FYN: variants seen among roughly 807,000 people sequenced by gnomAD.
FYN encodes the protein tyrosine-protein kinase Fyn.
A neutral mutation model predicts 70.2 loss-of-function variants in FYN; 10 were observed. The observed-to-expected ratio is 0.14, with a 90% CI of 0.09 to 0.24. The LOEUF (loss-of-function observed/expected upper bound fraction) is 0.24. Ranked by LOEUF, FYN falls within the 10% of genes least tolerant of loss-of-function variation. The pLI is 1.00. For missense variants in FYN, 319 were observed against 673.1 expected (o/e 0.47, Z 5.82); for synonymous variants, 236 against 248.6 (o/e 0.95, Z 0.48).
In FYN at chr6:111,711,996, A is replaced by G. The variant is rs556717922; in HGVS notation, c.344+2351T>C. On this transcript the variant is annotated intron_variant, in intron 5 of 13. Coordinates refer to ENST00000354650, the MANE Select transcript of FYN (RefSeq NM_002037.5). The stretch of plus-strand genomic sequence containing the variant: ...AAGAACAGGGTTGGAGGCTCAAAGG[A>G]CTCCGTAAACATCAAAGGCCGTGCA... Among the ~76,000 whole-genome samples the G allele has an allele frequency of 2.6e-5, 4 of 152,266 alleles. No individual in the cohort carries two copies. The South Asian group carries it at 8.3e-4, about 32-fold the overall frequency.
At chr6:111,776,968 C>T (rs911737915) in intron 3 of FYN, among the ~76,000 whole-genome samples, 1 of 152,196 alleles carries the variant, frequency 6.6e-6, no homozygotes, top group African/African-American at 2.4e-5. Flanking sequence ...GATCTCTCTC[C>T]TCCCTAAGCA....
intron 3 of FYN, among the ~76,000 whole-genome samples, chr6:111,773,788 C>A (rs1297579084): frequency 6.6e-6 from 1 of 152,144 alleles, no homozygotes; most frequent in East Asian, 1.9e-4. Flanking sequence ...GCCCTGGGTT[C>A]CTTTTCATTC....
At chr6:111,832,486 T>C (rs1773045561) in intron 2 of FYN, among the ~76,000 whole-genome samples, 1 of 152,190 alleles carries the variant, frequency 6.6e-6, no homozygotes, top group Admixed American at 6.5e-5. Context: ...TGCCTGTGAA[T>C]AGAGACAGCT....
intron 3 of FYN, chr6:111,759,940 A>G (rs1240676502): frequency 6.6e-6 from 1 of 152,216 alleles, no homozygotes; most frequent in African/African-American, 2.4e-5. Context: ...GATGGCGTAA[A>G]AAGATAAGGC....
At chr6:111,809,050 A>T (rs956247460) in intron 2 of FYN, among the ~76,000 whole-genome samples, 1 of 152,238 alleles carries the variant, frequency 6.6e-6, no homozygotes, top group Non-Finnish European at 1.5e-5. Flanking sequence ...AATACACTAC[A>T]GAAAAGGAAA....
chr6:111,860,201 C>G (rs1188869643), intron 1 of FYN, among the ~76,000 whole-genome samples: 1 of 152,178 alleles, frequency 6.6e-6, no homozygotes, highest in Non-Finnish European at 1.5e-5. Flanking sequence ...TTATGGCAGT[C>G]CCGGGAAACC....
At chr6:111,869,328 C>G (rs538197512) in intron 1 of FYN, among the ~76,000 whole-genome samples, 118 of 152,364 alleles carry the variant, frequency 7.7e-4, no homozygotes, top group African/African-American at 2.7e-3. Context: ...GGCCTTGGGG[C>G]AAGGAGTTTC....
In FYN at chr6:111,702,982, G is replaced by C. The variant is rs762837809; in HGVS notation, c.600C>G (p.Val200=). The C allele has an allele frequency of 6.2e-7, 1 of 1,614,080 alleles. No homozygotes were observed. The highest frequency in any genetic ancestry group is 1.1e-5 in the South Asian group (1 of 91,068). ...RDWDDMKGDH[V]KHYKIRKLDN... ...CAAGTTTGCGAATTTTATAATGTTT[G>C]ACATGGTCTCCTTTCATATCATCCC... Residue 200 remains valine, a synonymous_variant, in exon 8 of 14, where the codon GTC becomes GTG. Coordinates refer to ENST00000354650, the MANE Select transcript of FYN (RefSeq NM_002037.5).
chr6:111,722,543 T>G (rs951010950), intron 3 of FYN, among the ~76,000 whole-genome samples: 2 of 152,210 alleles, frequency 1.3e-5, no homozygotes, highest in Non-Finnish European at 2.9e-5. Context: ...TTTTTTCTTT[T>G]TTTCCATGAA....
intron 2 of FYN, among the ~76,000 whole-genome samples, chr6:111,819,559 T>C (rs1357834965): frequency 1.3e-5 from 2 of 152,304 alleles, no homozygotes; most frequent in South Asian, 2.1e-4. Flanking sequence ...CCCGAGACCA[T>C]GACCCATATT....
At chr6:111,790,960 A>G (rs1273678946) in intron 2 of FYN, among the ~76,000 whole-genome samples, 2 of 152,236 alleles carry the variant, frequency 1.3e-5, no homozygotes, top group Non-Finnish European at 1.5e-5. Context: ...GAAGTCCAAT[A>G]TTTTTATATG....
intron 2 of FYN, among the ~76,000 whole-genome samples, chr6:111,834,586 G>A (rs13340459): frequency 0.15 from 23,171 of 152,090 alleles, 3,150 homozygotes; most frequent in African/African-American, 0.37. Context: ...ATGGGAAGGT[G>A]AAACCCAGCA....
In FYN at chr6:111,720,073, CA is replaced by C. The variant is rs771097591; in HGVS notation, c.-11-12del. 15 of 1,561,634 alleles carry C rather than the reference CA, an allele frequency of 9.6e-6. No individual in the cohort carries two copies. The African/African-American group carries it at 1.1e-4, about 11-fold the overall frequency. On this transcript the variant is annotated splice_polypyrimidine_tract_variant and intron_variant, in intron 3 of 13. Transcript: ENST00000354650. ...CCATTATCTAAATTCCTGCCAAAGA[CA>C]AAAAAGGGGGCACGTAAGCTGGGAT...
At chr6:111,772,045 TG>T (rs1391276633) in intron 3 of FYN, among the ~76,000 whole-genome samples, 2 of 152,218 alleles carry the variant, frequency 1.3e-5, no homozygotes, top group African/African-American at 4.8e-5. Context: ...CCATAGAGTC[TG>T]GGTGACCTTG....
chr6:111,810,182 A>G (rs192273690), intron 2 of FYN, among the ~76,000 whole-genome samples: 1 of 152,326 alleles, frequency 6.6e-6, no homozygotes. Context: ...TTAAAGATTT[A>G]TATCACTATT....
rs545277681 is a variant in FYN at position 111,751,790 on chromosome 6, T to C, written c.-12+28776A>G. Among the ~76,000 whole-genome samples the C allele has an allele frequency of 4.0e-5, 6 of 151,438 alleles. No individual in the cohort carries two copies. The East Asian group carries it at 1.2e-3, about 29-fold the overall frequency. On this transcript the variant is annotated intron_variant, in intron 3 of 13. Transcript: ENST00000354650. ...TGTGCACCACCACATGTAAATAATC[T>C]TTTTTTTTGGTAGAAACAAGGTCTC...
chr6:111,753,043 G>A (rs1802557289), intron 3 of FYN, among the ~76,000 whole-genome samples: 1 of 152,104 alleles, frequency 6.6e-6, no homozygotes, highest in African/African-American at 2.4e-5. Flanking sequence ...ATAAAATTTA[G>A]TCCCATTTCT....
In FYN at chr6:111,838,072, C is replaced by A. The variant is rs915908533; in HGVS notation, c.-82+8517G>T. On this transcript the variant is annotated intron_variant, in intron 2 of 13. Coordinates refer to ENST00000354650, the MANE Select transcript of FYN (RefSeq NM_002037.5). ...GCTGCTCTCCACAGACCACACATAC[C>A]CACAAAGGAGGATCAGTCTTTAGTA... 3.9e-5 allele frequency among the ~76,000 whole-genome samples: 6 copies of A among 152,118 alleles called. No individual in the cohort carries two copies. The East Asian group carries it at 9.6e-4, about 24-fold the overall frequency.
At chr6:111,758,195 C>T (rs1399757635) in intron 3 of FYN, among the ~76,000 whole-genome samples, 1 of 152,122 alleles carries the variant, frequency 6.6e-6, no homozygotes, top group Non-Finnish European at 1.5e-5. Context: ...TAGTATATAG[C>T]ACTAAAATCA....
Sources: gnomAD v4.1 joint callset for allele counts (sites outside exome capture counted in the v4.1 genomes callset) on GRCh38, gnomAD v4.1.1 for gene constraint, MANE v1.5 for transcripts, NCBI Gene and HGNC (gene_info 2026-07-23, HGNC 2026-07-21) for gene names.